The following WFDC1 variants were observed in gnomAD, a reference collection of about 807,000 sequenced individuals.
The protein encoded by WFDC1 is WAP four-disulfide core domain 1, also known as WAP four-disulfide core domain protein 1.
WFDC1 carries 39 observed loss-of-function variants against 32.9 expected under a neutral mutation model. That is an observed-to-expected ratio of 1.19 (90% confidence interval 0.92 to 1.55). The LOEUF (loss-of-function observed/expected upper bound fraction) is 1.55, where lower values mean the gene tolerates loss of function less well. WFDC1 is among the 40% of genes most tolerant of loss of function. The probability of loss-of-function intolerance (pLI) is 0.00; values close to 1 mark genes in which losing one functional copy is unlikely to be tolerated. For missense variants in WFDC1, 386 were observed against 309.5 expected (o/e 1.25, Z -1.85); for synonymous variants, 184 against 137.4 (o/e 1.34, Z -2.37).
At chr16:84,312,930 C>T in intron 1 of WFDC1, 31 bp from the exon 2 acceptor site, 5 of 1,146,686 alleles carry the variant, frequency 4.4e-6, no homozygotes, top group Non-Finnish European at 5.4e-6. Flanking sequence ...ACGCGCGCCC[C>T]AGAGCTGCTG....
At chr16:84,302,385 A>G (rs1230806540) in intron 1 of WFDC1, among the ~76,000 whole-genome samples, 5 of 152,306 alleles carry the variant, frequency 3.3e-5, no homozygotes, top group Admixed American at 2.6e-4. Flanking sequence ...TTTTACCACA[A>G]TAATTTTTCT....
At chr16:84,318,784 C>T (rs1371098505) in intron 3 of WFDC1, 1 of 220,496 alleles carries the variant, frequency 4.5e-6, no homozygotes. Flanking sequence ...TGCGAGCGGG[C>T]ACCCTTGCAC....
At chr16:84,299,557 A>G (rs1327958902) in intron 1 of WFDC1, among the ~76,000 whole-genome samples, 1 of 152,240 alleles carries the variant, frequency 6.6e-6, no homozygotes, top group African/African-American at 2.4e-5. Flanking sequence ...ACTCCTGAGA[A>G]CAATGATTTA....
At chr16:84,297,737 A>G (rs1906695363) in intron 1 of WFDC1, among the ~76,000 whole-genome samples, 1 of 151,980 alleles carries the variant, frequency 6.6e-6, no homozygotes. Flanking sequence ...CTGGCCTGGA[A>G]CTTATCACAG....
chr16:84,326,818 C>T, intron 5 of WFDC1, 64 bp from the exon 6 acceptor site: 1 of 1,596,706 alleles, frequency 6.3e-7, no homozygotes, highest in African/African-American at 1.4e-5. Flanking sequence ...TCCTGGTGAG[C>T]CACGGGGGGC....
chr16:84,308,822 TCAGTGTA>T (rs1907431929), intron 1 of WFDC1, among the ~76,000 whole-genome samples: 1 of 151,604 alleles, frequency 6.6e-6, no homozygotes, highest in Non-Finnish European at 1.5e-5. Flanking sequence ...GATGCCATCC[TCAGTGTA>T]GATGCCAGCC....
At position 84,318,280 on chromosome 16, in the gene WFDC1, T is replaced by G. The variant is rs1908077658; in HGVS notation, c.346T>G (p.Trp116Gly). The G allele has an allele frequency of 6.2e-7, 1 of 1,614,168 alleles. No homozygotes were observed. Among genetic ancestry groups the G allele is most frequent in the East Asian group, 2.2e-5 (1 of 44,876 alleles). ...EAVPPPPVLD[W>G]LVQPKPRWLG... ...ACCCCGTATTGTGTTAGTCTTAGAC[T>G]GGCTGGTGCAGCCGAAACCTCGATG... Residue 116 changes from tryptophan to glycine, a missense_variant, in exon 3 of 7, where the codon TGG becomes GGG. Coordinates refer to ENST00000219454, the MANE Select transcript of WFDC1 (RefSeq NM_021197.4).
chr16:84,298,344 C>G (rs1414288200), intron 1 of WFDC1, among the ~76,000 whole-genome samples: 1 of 152,122 alleles, frequency 6.6e-6, no homozygotes, highest in African/African-American at 2.4e-5. Context: ...ATCCGCCCGC[C>G]TCGGCCTCCC....
At chr16:84,326,186 C>G (rs1406976157) in intron 5 of WFDC1, 2 of 151,394 alleles carry the variant, frequency 1.3e-5, no homozygotes, top group African/African-American at 2.4e-5. Flanking sequence ...TGCATCCATC[C>G]ATCCATCATT....
Position 84,313,139 on chromosome 16 carries a change from T to C in WFDC1, c.323T>C (p.Val108Ala). Reference protein sequence around the residue: ...NGCAYACLEAVPPPPVLDWLV... With the variant: ...NGCAYACLEAAPPPPVLDWLV... ...TGCGCCTACGCCTGCCTAGAAGCTG[T>C]GCCGCCCCCGCCAGGTAGGTCCTGG... The change falls in exon 2 of 7, where the codon GTG (valine) becomes GCG (alanine). Residue 108 changes from valine (V) to alanine (A), a missense_variant. Transcript: ENST00000219454. The C allele has an allele frequency of 4.9e-6, 7 of 1,435,644 alleles. No homozygotes were observed. The highest frequency in any genetic ancestry group is 6.3e-6 in the Non-Finnish European group (7 of 1,102,986). 88.9% of individuals were successfully genotyped at this position (1,435,644 alleles called of 1,614,324 possible).
At chr16:84,296,022 A>G (rs1467687605) in intron 1 of WFDC1, among the ~76,000 whole-genome samples, 1 of 152,194 alleles carries the variant, frequency 6.6e-6, no homozygotes, top group Non-Finnish European at 1.5e-5. Context: ...CTGAGGAAGC[A>G]ATAAAGCAGG....
At chr16:84,322,676 C>T (rs984441369) in intron 4 of WFDC1, among the ~76,000 whole-genome samples, 2 of 152,356 alleles carry the variant, frequency 1.3e-5, no homozygotes, top group Admixed American at 1.3e-4. Context: ...ACCAATAGTC[C>T]TTCAAGTTTG....
intron 1 of WFDC1, chr16:84,296,765 G>A (rs1450502242): frequency 1.3e-5 from 2 of 152,280 alleles, no homozygotes; most frequent in Non-Finnish European, 2.9e-5. Flanking sequence ...TGGAGGAGGT[G>A]GAGACCTTGA....
rs1567657791 is a variant in WFDC1 at position 84,312,966 on chromosome 16, G to A, written c.150G>A (p.Glu50=). Residue 50 remains glutamate (E), a synonymous_variant, in exon 2 of 7, where the codon GAG becomes GAA. Transcript: ENST00000219454. The part of the protein sequence containing the change: ...PARLAEKSRA[E]EAGAPGGPRQ... ...ACACCGCCCTCTCCCCGCAGGCCGA[G>A]GAGGCGGGCGCGCCCGGCGGCCCCC... The A allele has an allele frequency of 3.4e-6, 4 of 1,160,414 alleles. No individual in the cohort carries two copies. Among genetic ancestry groups the A allele is most frequent in the African/African-American group, 3.3e-5 (2 of 61,512 alleles). 71.9% of individuals were successfully genotyped at this position (1,160,414 alleles called of 1,614,324 possible). A position where few individuals can be genotyped will look rare whatever the true frequency, so the allele number is the denominator to read the frequency against.
intron 1 of WFDC1, among the ~76,000 whole-genome samples, chr16:84,309,453 G>C (rs982996794): frequency 1.3e-5 from 2 of 151,988 alleles, no homozygotes; most frequent in Non-Finnish European, 2.9e-5. Flanking sequence ...TGGAGGCATC[G>C]AGGCCAGGGA....
At chr16:84,322,579 A>G (rs1908372189) in intron 4 of WFDC1, among the ~76,000 whole-genome samples, 1 of 152,086 alleles carries the variant, frequency 6.6e-6, no homozygotes, top group South Asian at 2.1e-4. Context: ...CTACGTGTGT[A>G]TTTTTCTGGA....
intron 1 of WFDC1, among the ~76,000 whole-genome samples, chr16:84,303,194 T>C (rs1028227786): frequency 6.6e-6 from 1 of 151,998 alleles, no homozygotes; most frequent in African/African-American, 2.4e-5. Context: ...ATGTTTGACG[T>C]CCAAATTCCA....
intron 1 of WFDC1, among the ~76,000 whole-genome samples, chr16:84,298,614 C>T (rs529211390): frequency 5.9e-5 from 9 of 152,304 alleles, no homozygotes; most frequent in South Asian, 2.1e-4. Flanking sequence ...GCCAGGGCTA[C>T]ATGAGGAGAG....
chr16:84,299,639 C>T (rs1463121215), intron 1 of WFDC1, among the ~76,000 whole-genome samples: 4 of 152,238 alleles, frequency 2.6e-5, no homozygotes, highest in African/African-American at 9.6e-5. Context: ...GACAAATCCA[C>T]CGGGTGGGGC....
Sources: allele counts gnomAD v4.1 joint callset (sites outside exome capture counted in the v4.1 genomes callset), GRCh38; gene constraint gnomAD v4.1.1; transcripts MANE v1.5; gene names NCBI Gene and HGNC (gene_info 2026-07-23, HGNC 2026-07-21).